WDFY3: variants seen among roughly 807,000 people sequenced by gnomAD.
WDFY3 encodes WD repeat and FYVE domain-containing protein 3.
In WDFY3, 66 loss-of-function variants were observed where a neutral mutation model predicts 409.6. That is an observed-to-expected ratio of 0.16 (90% CI 0.13 to 0.20). The LOEUF (loss-of-function observed/expected upper bound fraction) is 0.20. Among genes scored for constraint, WDFY3 ranks in the 10% least tolerant of loss-of-function variants. The pLI, the probability that WDFY3 is intolerant of heterozygous loss-of-function variation, is 1.00. For synonymous variants in WDFY3, 1,521 were observed against 1,537.1 expected (o/e 0.99, Z 0.25); for missense variants, 3,031 against 4,298.1 (o/e 0.71, Z 8.24).
At chr4:84,715,170 T>C (rs1444976490) in intron 50 of WDFY3, 128 bp downstream of exon 50, 2 of 556,076 alleles carry the variant, frequency 3.6e-6, no homozygotes, top group Non-Finnish European at 6.4e-6. Context: ...GCAAAAATAA[T>C]ATAAATTATT....
chr4:84,944,813 T>C (rs777005477), intron 1 of WDFY3, among the ~76,000 whole-genome samples: 28 of 151,946 alleles, frequency 1.8e-4, no homozygotes, highest in Non-Finnish European at 4.0e-4. Context: ...TAAAAATAAA[T>C]AAATAAATAA....
chr4:84,796,424 A>G, intron 19 of WDFY3, 97 bp downstream of exon 19: 1 of 697,684 alleles, frequency 1.4e-6, no homozygotes, highest in Admixed American at 4.1e-5. Flanking sequence ...ATGGTAAAAT[A>G]TATTTTAATT....
chr4:84,890,149 G>C (rs1392096653), intron 3 of WDFY3, among the ~76,000 whole-genome samples: 1 of 152,004 alleles, frequency 6.6e-6, no homozygotes, highest in Non-Finnish European at 1.5e-5. Flanking sequence ...ACTCAGGCTG[G>C]AGTACAGTGG....
chr4:84,895,481 G>A (rs370360612), intron 3 of WDFY3, among the ~76,000 whole-genome samples: 26 of 152,208 alleles, frequency 1.7e-4, no homozygotes, highest in African/African-American at 5.1e-4. Context: ...CACAAGATAC[G>A]CTGCTGGGTT....
chr4:84,845,346 G>T (rs1319297991), intron 5 of WDFY3, among the ~76,000 whole-genome samples: 3 of 152,064 alleles, frequency 2.0e-5, no homozygotes, highest in Non-Finnish European at 2.9e-5. Context: ...TAAAATAAAA[G>T]GTTATATGAG....
intron 40 of WDFY3, among the ~76,000 whole-genome samples, chr4:84,737,824 C>T (rs576845468): frequency 1.3e-5 from 2 of 152,278 alleles, no homozygotes; most frequent in East Asian, 3.9e-4. Flanking sequence ...GTATGCCTGA[C>T]TCCTCCTCCA....
intron 33 of WDFY3, among the ~76,000 whole-genome samples, chr4:84,755,802 T>C (rs1741338067): frequency 6.6e-6 from 1 of 152,190 alleles, no homozygotes; most frequent in African/African-American, 2.4e-5. Flanking sequence ...AATTTTAGAT[T>C]ACTTACAGAT....
intron 3 of WDFY3, among the ~76,000 whole-genome samples, chr4:84,867,861 G>A (rs1761611568): frequency 6.6e-6 from 1 of 152,108 alleles, no homozygotes; most frequent in Non-Finnish European, 1.5e-5. Context: ...AAATCTTACA[G>A]TTTCATCAAA....
intron 17 of WDFY3, 68 bp from the exon 18 acceptor site, chr4:84,798,176 C>T: frequency 2.3e-6 from 3 of 1,316,144 alleles, no homozygotes; most frequent in Non-Finnish European, 3.2e-6. Flanking sequence ...ACCAAATATT[C>T]AGAAAAAGAA....
chr4:84,945,624 C>T (rs1772721588), intron 1 of WDFY3, among the ~76,000 whole-genome samples: 1 of 152,120 alleles, frequency 6.6e-6, no homozygotes, highest in Non-Finnish European at 1.5e-5. Flanking sequence ...CACCTGAAAC[C>T]TTCTGATATT....
At position 84,892,085 on chromosome 4, in the gene WDFY3, GT is replaced by G. The variant is rs201774266; in HGVS notation, c.-32+4825del. Among the ~76,000 whole-genome samples, 1,441 of 149,324 alleles carry G rather than the reference GT, an allele frequency of 9.7e-3. 30 individuals are homozygous for G. Among genetic ancestry groups the G allele is most frequent in the African/African-American group, 0.034 (1,365 of 40,382 alleles). On this transcript the variant is annotated intron_variant, in intron 3 of 67. Coordinates refer to ENST00000295888, the MANE Select transcript of WDFY3 (RefSeq NM_014991.6). Reference sequence around the variant, plus strand: ...AAGTCAGAATCTTTACTATTTTTAGGTTGATATCTAATACTTTTCAACCTAA... The same window carrying G: ...AAGTCAGAATCTTTACTATTTTTAGGTGATATCTAATACTTTTCAACCTAA...
intron 1 of WDFY3, among the ~76,000 whole-genome samples, chr4:84,938,351 T>C (rs886505626): frequency 1.4e-4 from 21 of 152,182 alleles, no homozygotes; most frequent in African/African-American, 4.8e-4. Context: ...AAAAGATAAT[T>C]GATAATGATG....
chr4:84,943,315 C>T (rs1321295677), intron 1 of WDFY3, among the ~76,000 whole-genome samples: 1 of 152,004 alleles, frequency 6.6e-6, no homozygotes, highest in African/African-American at 2.4e-5. Flanking sequence ...TCCTGGCTAA[C>T]ACCCAGTGAA....
At chr4:84,919,153 G>T (rs924038414) in intron 2 of WDFY3, among the ~76,000 whole-genome samples, 2 of 152,014 alleles carry the variant, frequency 1.3e-5, no homozygotes, top group Non-Finnish European at 2.9e-5. Flanking sequence ...GTGAGGACTG[G>T]AACAATTTTA....
intron 21 of WDFY3, among the ~76,000 whole-genome samples, chr4:84,790,528 A>G (rs921052542): frequency 6.6e-6 from 1 of 152,206 alleles, no homozygotes; most frequent in African/African-American, 2.4e-5. Context: ...GAAGTAAAAA[A>G]TACATAAAAA....
intron 55 of WDFY3, 150 bp downstream of exon 55, chr4:84,704,188 C>T: frequency 3.9e-6 from 2 of 516,380 alleles, no homozygotes; most frequent in Non-Finnish European, 6.4e-6. Flanking sequence ...AATTTTGGTC[C>T]AACAAAATTC....
chr4:84,794,744 T>TA lies in WDFY3; in HGVS notation c.3269-8dup, dbSNP rs1188723899. The TA allele has an allele frequency of 6.3e-7, 1 of 1,587,946 alleles. No homozygotes were observed. Among genetic ancestry groups the TA allele is most frequent in the Non-Finnish European group, 8.5e-7 (1 of 1,170,454 alleles). On this transcript the variant is annotated splice_region_variant and splice_polypyrimidine_tract_variant and intron_variant, in intron 20 of 67. Transcript: ENST00000295888. Reference sequence around the variant, plus strand: ...GGAGGGAAGAATCTTTCACCTACAGTAAAAATTAAAAAAAAAAGTCTGTGT... The same window carrying TA: ...GGAGGGAAGAATCTTTCACCTACAGTAAAAAATTAAAAAAAAAAGTCTGTGT...
intron 1 of WDFY3, among the ~76,000 whole-genome samples, chr4:84,963,321 G>A (rs1775168702): frequency 6.6e-6 from 1 of 151,758 alleles, no homozygotes; most frequent in Non-Finnish European, 1.5e-5. Flanking sequence ...CTACTTGGGT[G>A]GCTGAGGCAC....
intron 3 of WDFY3, among the ~76,000 whole-genome samples, chr4:84,866,191 A>C (rs1185414225): frequency 6.6e-6 from 1 of 151,016 alleles, no homozygotes; most frequent in Admixed American, 6.6e-5. Context: ...CTTTGCTCCT[A>C]ATGTACCAAA....
Sources: gnomAD v4.1 joint callset for allele counts (sites outside exome capture counted in the v4.1 genomes callset) on GRCh38, gnomAD v4.1.1 for gene constraint, MANE v1.5 for transcripts, NCBI Gene and HGNC (gene_info 2026-07-23, HGNC 2026-07-21) for gene names.